The following OSBPL1A variants were observed in gnomAD, a reference collection of about 807,000 sequenced individuals.
OSBPL1A encodes the protein oxysterol binding protein like 1A.
OSBPL1A carries 80 observed loss-of-function variants against 137.1 expected under a neutral mutation model. The ratio of observed to expected loss-of-function variants is 0.58; its 90% CI spans 0.49 to 0.70. The LOEUF (loss-of-function observed/expected upper bound fraction) is 0.70, where lower values mean the gene tolerates loss of function less well. Among genes scored for constraint, OSBPL1A ranks in the 30% least tolerant of loss-of-function variants. The probability of loss-of-function intolerance (pLI) is 0.00; values close to 1 mark genes in which losing one functional copy is unlikely to be tolerated. For missense variants in OSBPL1A, 970 were observed against 1,129.4 expected, an observed-to-expected ratio of 0.86 and a Z score of 2.02; for synonymous variants, 365 against 389.7, an observed-to-expected ratio of 0.94 and a Z score of 0.75.
chr18:24,268,745 A>G (rs576896047), intron 15 of OSBPL1A, among the ~76,000 whole-genome samples: 1 of 152,142 alleles, frequency 6.6e-6, no homozygotes, highest in Non-Finnish European at 1.5e-5. Flanking sequence ...TTTAAGCATC[A>G]GTATTCAATC....
At chr18:24,219,571 GCT>G (rs1253822359) in intron 17 of OSBPL1A, among the ~76,000 whole-genome samples, 1 of 152,082 alleles carries the variant, frequency 6.6e-6, no homozygotes, top group Admixed American at 6.5e-5. Context: ...CTAGAAAACT[GCT>G]CTGATTTACC....
At chr18:24,243,650 C>G (rs556315437) in intron 15 of OSBPL1A, among the ~76,000 whole-genome samples, 1 of 152,306 alleles carries the variant, frequency 6.6e-6, no homozygotes, top group Admixed American at 6.5e-5. Context: ...CACATCTGTT[C>G]TCACTTGTTC....
chr18:24,305,578 A>T (rs2090483199), intron 13 of OSBPL1A, among the ~76,000 whole-genome samples: 1 of 152,250 alleles, frequency 6.6e-6, no homozygotes, highest in Admixed American at 6.5e-5. Context: ...AAATCAATTT[A>T]TGAAAGTTAA....
chr18:24,351,522 ATTGTTTT>A (rs2091440967), intron 4 of OSBPL1A, among the ~76,000 whole-genome samples: 2 of 143,996 alleles, frequency 1.4e-5, no homozygotes, highest in Non-Finnish European at 3.0e-5. Flanking sequence ...ACCCCATGCA[ATTGTTTT>A]TTGTTTGTTT....
intron 7 of OSBPL1A, among the ~76,000 whole-genome samples, chr18:24,331,199 A>C (rs983501070): frequency 6.6e-6 from 1 of 152,202 alleles, no homozygotes; most frequent in African/African-American, 2.4e-5. Flanking sequence ...ACAATGAAGT[A>C]TGAGGCCTGC....
chr18:24,353,679 C>G (rs950879969), intron 4 of OSBPL1A, among the ~76,000 whole-genome samples: 5 of 151,210 alleles, frequency 3.3e-5, no homozygotes, highest in African/African-American at 1.2e-4. Context: ...AAATGTCCAA[C>G]AATGATAGAC....
intron 5 of OSBPL1A, among the ~76,000 whole-genome samples, chr18:24,339,593 C>G (rs1236797743): frequency 6.6e-6 from 1 of 152,190 alleles, no homozygotes; most frequent in East Asian, 1.9e-4. Context: ...TCAGACTAAC[C>G]TAACATTCCA....
Position 24,318,480 on chromosome 18 carries a change from G to A in OSBPL1A, c.732+121C>T, listed in dbSNP as rs2090777670. On this transcript the variant is annotated intron_variant, in intron 9 of 27. Transcript: ENST00000319481. Reference sequence around the variant, plus strand: ...AAAAAATCAGTGGTTTACATTATACGATCCAAGAGCGATTAAATCACATAT... The same window carrying A: ...AAAAAATCAGTGGTTTACATTATACAATCCAAGAGCGATTAAATCACATAT... 8.4e-6 allele frequency: 7 copies of A among 832,082 alleles called. No individual in the cohort carries two copies. The Admixed American group carries it at 1.1e-4, about 13-fold the overall frequency. 51.5% of individuals were successfully genotyped at this position (832,082 alleles called of 1,614,324 possible).
chr18:24,357,081 T>C (rs2091549536), intron 4 of OSBPL1A: 1 of 152,216 alleles, frequency 6.6e-6, no homozygotes, highest in Non-Finnish European at 1.5e-5. Context: ...ACTGGTCCAC[T>C]TTATCAATAA....
At chr18:24,384,029 G>A (rs958033451) in intron 1 of OSBPL1A, among the ~76,000 whole-genome samples, 1 of 152,196 alleles carries the variant, frequency 6.6e-6, no homozygotes, top group East Asian at 1.9e-4. Context: ...CTGCACAGAG[G>A]AGAAGGGGAG....
Position 24,334,266 on chromosome 18 carries a change from T to C in OSBPL1A, c.459A>G (p.Lys153=), listed in dbSNP as rs778477984. ...TTACCAGAGCTGTGAGTTCTGTTGT[T>C]TTGCCTTCTCTTGCTGCTGCTAAAA... ...ELLLAAAREG[K]TTELTALLNR... Residue 153 remains lysine (K), a synonymous_variant, in exon 6 of 28, where the codon AAA becomes AAG. Transcript: ENST00000319481. 2 of 1,612,262 alleles carry C rather than the reference T, an allele frequency of 1.2e-6. No homozygotes were observed. Among genetic ancestry groups the C allele is most frequent in the Non-Finnish European group, 1.7e-6 (2 of 1,179,474 alleles).
At chr18:24,175,104 G>GTGTATATATATATATATATATATATA (rs1491534405) in intron 21 of OSBPL1A, among the ~76,000 whole-genome samples, 6 of 42,720 alleles carry the variant, frequency 1.4e-4, no homozygotes, top group Non-Finnish European at 2.5e-4. Context: ...TTTGCCATGT[G>GTGTATATATATATATATATATATATA]TATGTATATA....
intron 4 of OSBPL1A, among the ~76,000 whole-genome samples, chr18:24,349,893 T>C (rs8083088): frequency 0.17 from 25,264 of 152,172 alleles, 2,356 homozygotes; most frequent in Middle Eastern, 0.24. Flanking sequence ...AATTCTGACC[T>C]TCAGAATTGT....
chr18:24,170,654 G>A (rs2086256262), intron 23 of OSBPL1A: 1 of 553,034 alleles, frequency 1.8e-6, no homozygotes, highest in Non-Finnish European at 3.2e-6. Flanking sequence ...TTACTATAAA[G>A]GTGTGTACGA....
chr18:24,227,571 G>C (rs1474520225), intron 16 of OSBPL1A, among the ~76,000 whole-genome samples: 3 of 152,190 alleles, frequency 2.0e-5, no homozygotes, highest in Admixed American at 6.5e-5. Context: ...TGTGGAAAGA[G>C]ATCAGTTAGT....
intron 2 of OSBPL1A, among the ~76,000 whole-genome samples, chr18:24,369,928 A>G (rs1290608267): frequency 6.6e-6 from 1 of 151,416 alleles, no homozygotes; most frequent in Admixed American, 6.6e-5. Context: ...CCACATCAAA[A>G]CTCCCACTGC....
At chr18:24,175,114 A>ATATATATATACG (rs1567920048) in intron 21 of OSBPL1A, among the ~76,000 whole-genome samples, 14 of 30,316 alleles carry the variant, frequency 4.6e-4, no homozygotes, top group African/African-American at 8.1e-4. Flanking sequence ...GTATGTATAT[A>ATATATATATACG]TATATATATA....
chr18:24,387,407 C>T (rs1599741221), intron 1 of OSBPL1A, among the ~76,000 whole-genome samples: 1 of 152,084 alleles, frequency 6.6e-6, no homozygotes, highest in East Asian at 1.9e-4. Flanking sequence ...AACACCCAGG[C>T]ACAATAGCAC....
chr18:24,213,395 C>T (rs2087601564), intron 17 of OSBPL1A, among the ~76,000 whole-genome samples: 1 of 152,126 alleles, frequency 6.6e-6, no homozygotes, highest in South Asian at 2.1e-4. Context: ...TAGTGAAATC[C>T]TGTCTCTACT....
Sources: allele counts gnomAD v4.1 joint callset (sites outside exome capture counted in the v4.1 genomes callset), GRCh38; gene constraint gnomAD v4.1.1; transcripts MANE v1.5; gene names NCBI Gene and HGNC (gene_info 2026-07-23, HGNC 2026-07-21).